The following ADGRL2 variants were observed in gnomAD, a reference collection of about 807,000 sequenced individuals.
ADGRL2 encodes calcium-independent alpha-latrotoxin receptor 2.
A neutral mutation model predicts 157.4 loss-of-function variants in ADGRL2; 44 were observed. That is an observed-to-expected ratio of 0.28 (90% confidence interval 0.22 to 0.36). The LOEUF (loss-of-function observed/expected upper bound fraction) is 0.36. Ranked by LOEUF, ADGRL2 falls within the 10% of genes least tolerant of loss-of-function variation. ADGRL2 has a pLI of 1.00. For missense variants in ADGRL2, 1,510 were observed against 1,768.9 expected, an observed-to-expected ratio of 0.85 and a Z score of 2.63; for synonymous variants, 585 against 624.7, an observed-to-expected ratio of 0.94 and a Z score of 0.95.
chr1:81,336,820 C>A (rs1661674601), intron 1 of ADGRL2, among the ~76,000 whole-genome samples: 1 of 152,168 alleles, frequency 6.6e-6, no homozygotes, highest in Non-Finnish European at 1.5e-5. Context: ...AACTTTACCT[C>A]CCCGTTTTCC....
At chr1:81,762,859 T>G (rs1557629679) in intron 2 of ADGRL2, among the ~76,000 whole-genome samples, 1 of 151,870 alleles carries the variant, frequency 6.6e-6, no homozygotes, top group Non-Finnish European at 1.5e-5. Context: ...AAGACCATCC[T>G]GGCTAACACG....
At chr1:81,527,445 C>G (rs1557429169) in intron 2 of ADGRL2, among the ~76,000 whole-genome samples, 1 of 152,194 alleles carries the variant, frequency 6.6e-6, no homozygotes, top group Non-Finnish European at 1.5e-5. Flanking sequence ...AGCACGGTGG[C>G]TCAGGCCTGT....
intron 2 of ADGRL2, among the ~76,000 whole-genome samples, chr1:81,891,959 A>AGT (rs3221626): frequency 0.34 from 50,673 of 149,312 alleles, 8,874 homozygotes; most frequent in East Asian, 0.65. Flanking sequence ...GTGGCTAATA[A>AGT]GTGTGTGTGT....
chr1:81,760,312 A>G (rs2085832900), intron 1 of ADGRL2, among the ~76,000 whole-genome samples: 1 of 152,142 alleles, frequency 6.6e-6, no homozygotes, highest in South Asian at 2.1e-4. Flanking sequence ...GAATGTTGCC[A>G]TAGCAATTGA....
chr1:81,743,800 G>A (rs1046725107), intron 1 of ADGRL2, among the ~76,000 whole-genome samples: 4 of 152,056 alleles, frequency 2.6e-5, no homozygotes, highest in Non-Finnish European at 5.9e-5. Flanking sequence ...TCTTCTATGT[G>A]CCTCTAGTTC....
At chr1:81,527,182 G>A (rs188416221) in intron 2 of ADGRL2, among the ~76,000 whole-genome samples, 4 of 152,242 alleles carry the variant, frequency 2.6e-5, no homozygotes, top group African/African-American at 9.6e-5. Context: ...CTGCTCTTTA[G>A]GAACCACAAA....
intron 2 of ADGRL2, among the ~76,000 whole-genome samples, chr1:81,856,382 G>T (rs890375815): frequency 1.3e-5 from 2 of 152,112 alleles, no homozygotes; most frequent in African/African-American, 4.8e-5. Flanking sequence ...CAAGAGAAAC[G>T]TATGGGCTTC....
At chr1:81,758,127 C>T (rs1174354475) in intron 1 of ADGRL2, among the ~76,000 whole-genome samples, 1 of 152,076 alleles carries the variant, frequency 6.6e-6, no homozygotes, top group Non-Finnish European at 1.5e-5. Flanking sequence ...ATGAGCTTTC[C>T]CACATGAAGT....
chr1:81,794,063 A>T (rs928085908), intron 2 of ADGRL2, among the ~76,000 whole-genome samples: 3 of 152,080 alleles, frequency 2.0e-5, no homozygotes, highest in African/African-American at 7.2e-5. Flanking sequence ...TGTTATATCC[A>T]TTACCTCTTA....
At chr1:81,752,507 G>T (rs2149271035) in intron 1 of ADGRL2, among the ~76,000 whole-genome samples, 1 of 152,238 alleles carries the variant, frequency 6.6e-6, no homozygotes. Context: ...TAGACATTTG[G>T]TACTGATAGT....
chr1:81,736,395 C>A (rs540402862), intron 1 of ADGRL2, among the ~76,000 whole-genome samples: 1 of 152,244 alleles, frequency 6.6e-6, no homozygotes, highest in South Asian at 2.1e-4. Context: ...CCAGCATCAT[C>A]CCGTATCTTT....
chr1:81,499,373 A>G (rs2078795884), intron 2 of ADGRL2, among the ~76,000 whole-genome samples: 1 of 152,262 alleles, frequency 6.6e-6, no homozygotes, highest in Non-Finnish European at 1.5e-5. Context: ...ACAGAAGCCT[A>G]TATGGTAAGG....
At chr1:81,561,126 C>G (rs12069329) in intron 2 of ADGRL2, among the ~76,000 whole-genome samples, 28,251 of 151,890 alleles carry the variant, frequency 0.19, 3,993 homozygotes, top group African/African-American at 0.38. Flanking sequence ...ACAGCACACA[C>G]TCTCAACATC....
chr1:81,369,830 A>G (rs1362974101), intron 1 of ADGRL2, among the ~76,000 whole-genome samples: 2 of 152,232 alleles, frequency 1.3e-5, no homozygotes, highest in African/African-American at 4.8e-5. Context: ...GCACTAGACT[A>G]CATTTGGCAT....
intron 2 of ADGRL2, among the ~76,000 whole-genome samples, chr1:81,903,877 A>G (rs909091344): frequency 6.6e-6 from 1 of 150,772 alleles, no homozygotes; most frequent in South Asian, 2.1e-4. Flanking sequence ...ACTTTAGATA[A>G]GAGAAATGTA....
At chr1:81,709,496 C>T (rs2083853057) in intron 1 of ADGRL2, among the ~76,000 whole-genome samples, 1 of 152,014 alleles carries the variant, frequency 6.6e-6, no homozygotes, top group Admixed American at 6.6e-5. Context: ...AAAGAGATGA[C>T]TTTGGCTTGA....
At chr1:81,835,445 C>G (rs1033356422) in intron 1 of ADGRL2, among the ~76,000 whole-genome samples, 1 of 152,116 alleles carries the variant, frequency 6.6e-6, no homozygotes, top group Non-Finnish European at 1.5e-5. Flanking sequence ...TTAAGGCAGG[C>G]ACATTGCTAC....
chr1:81,500,395 T>A (rs935810801), intron 2 of ADGRL2, among the ~76,000 whole-genome samples: 1 of 152,216 alleles, frequency 6.6e-6, no homozygotes, highest in Non-Finnish European at 1.5e-5. Context: ...AAGGTGGAAG[T>A]AACCCAAATG....
intron 2 of ADGRL2, among the ~76,000 whole-genome samples, chr1:81,567,297 A>C (rs2080584366): frequency 6.6e-6 from 1 of 152,122 alleles, no homozygotes; most frequent in Non-Finnish European, 1.5e-5. Flanking sequence ...CACACTAGCC[A>C]CATTTCAAGT....
Sources: allele counts gnomAD v4.1 joint callset (sites outside exome capture counted in the v4.1 genomes callset), GRCh38; gene constraint gnomAD v4.1.1; transcripts MANE v1.5; gene names NCBI Gene and HGNC (gene_info 2026-07-23, HGNC 2026-07-21).